Variants in KCNU1 observed in about 807,000 individuals in gnomAD.
KCNU1 encodes the protein potassium calcium-activated channel subfamily U member 1.
KCNU1 carries 93 observed loss-of-function variants against 126.8 expected under a neutral mutation model. The ratio of observed to expected loss-of-function variants is 0.73; its 90% CI spans 0.62 to 0.87. The LOEUF is 0.87. Among genes scored for constraint, KCNU1 ranks in the 40% least tolerant of loss-of-function variants. The pLI, the probability that KCNU1 is intolerant of heterozygous loss-of-function variation, is 0.00. For synonymous variants in KCNU1, 523 were observed against 494.2 expected (o/e 1.06, Z -0.77); for missense variants, 1,330 against 1,367.1 (o/e 0.97, Z 0.43).
chr8:36,934,120 T>G (rs1808784149), intron 26 of KCNU1, among the ~76,000 whole-genome samples: 1 of 151,994 alleles, frequency 6.6e-6, no homozygotes, highest in Non-Finnish European at 1.5e-5. Context: ...GCTGTGTGAT[T>G]TATTGAAATG....
chr8:36,894,542 A>G (rs954882543), intron 19 of KCNU1, among the ~76,000 whole-genome samples: 8 of 152,160 alleles, frequency 5.3e-5, no homozygotes, highest in Non-Finnish European at 1.2e-4. Context: ...AAGCAATATC[A>G]ATATCACTTA....
At chr8:36,878,392 TG>T (rs1332214793) in intron 19 of KCNU1, among the ~76,000 whole-genome samples, 2 of 152,158 alleles carry the variant, frequency 1.3e-5, no homozygotes, top group African/African-American at 4.8e-5. Flanking sequence ...TGAGCTGTGG[TG>T]TAGACCTCAC....
chr8:36,837,025 G>T, intron 14 of KCNU1, 80 bp downstream of exon 14: 1 of 1,409,854 alleles, frequency 7.1e-7, no homozygotes, highest in South Asian at 1.2e-5. Context: ...AAAAAAATTT[G>T]AGAAAAGCAT....
chr8:36,914,124 G>C (rs1808001460), intron 22 of KCNU1, among the ~76,000 whole-genome samples: 1 of 152,032 alleles, frequency 6.6e-6, no homozygotes, highest in East Asian at 1.9e-4. Context: ...GTAGAACCAG[G>C]AATACACACC....
intron 2 of KCNU1, among the ~76,000 whole-genome samples, chr8:36,802,911 G>T (rs1438390603): frequency 6.6e-6 from 1 of 152,166 alleles, no homozygotes; most frequent in African/African-American, 2.4e-5. Flanking sequence ...CACAAGAGGA[G>T]CTAGAGAAAT....
intron 2 of KCNU1, among the ~76,000 whole-genome samples, chr8:36,790,015 AG>A (rs1802848339): frequency 6.6e-6 from 1 of 152,202 alleles, no homozygotes; most frequent in African/African-American, 2.4e-5. Flanking sequence ...TCTAAGGTAA[AG>A]GGATGTCTGA....
chr8:36,905,833 A>G (rs775502256), intron 20 of KCNU1, 29 bp downstream of exon 20: 1 of 1,076,146 alleles, frequency 9.3e-7, no homozygotes, highest in South Asian at 1.4e-5. Context: ...TCAAATCTCA[A>G]ATAAGATAAA....
At position 36,931,029 on chromosome 8, in the gene KCNU1, TTAGATAA is replaced by T; in HGVS notation, c.2816_2822del (p.Leu939TrpfsTer50). 1 of 1,611,468 alleles carries T rather than the reference TTAGATAA, an allele frequency of 6.2e-7. No individual in the cohort carries two copies. Among genetic ancestry groups the T allele is most frequent in the Non-Finnish European group, 8.5e-7 (1 of 1,178,628 alleles). ...AGTAAGTTCTCAGCTGGAACAACATTTAGATAAGGATAAAGTCTATGGTGTGGCAGAT... is the reference window on the plus strand; with the variant it reads ...AGTAAGTTCTCAGCTGGAACAACATTGGATAAAGTCTATGGTGTGGCAGAT... On this transcript the variant is annotated frameshift_variant, in exon 25 of 27. Coordinates refer to ENST00000399881, the MANE Select transcript of KCNU1 (RefSeq NM_001031836.3). LOFTEE classifies it high-confidence loss of function.
chr8:36,888,649 T>G (rs1275487628), intron 19 of KCNU1: 3 of 534,320 alleles, frequency 5.6e-6, no homozygotes, highest in Non-Finnish European at 7.7e-6. Flanking sequence ...CTGAAAGTAC[T>G]GAGGATGAAG....
At chr8:36,841,898 G>T (rs1804970420) in intron 16 of KCNU1, among the ~76,000 whole-genome samples, 1 of 150,798 alleles carries the variant, frequency 6.6e-6, no homozygotes, top group African/African-American at 2.4e-5. Flanking sequence ...CAGAGCAAAT[G>T]AAATATACAT....
chr8:36,817,888 A>T (rs752698221), intron 10 of KCNU1, 128 bp downstream of exon 10: 174 of 544,992 alleles, frequency 3.2e-4, no homozygotes, highest in Non-Finnish European at 4.7e-4. Flanking sequence ...AACAAAACAA[A>T]AAAGAAAAGA....
chr8:36,852,085 A>G (rs904263990), intron 18 of KCNU1, among the ~76,000 whole-genome samples: 1 of 152,034 alleles, frequency 6.6e-6, no homozygotes, highest in African/African-American at 2.4e-5. Flanking sequence ...TTTCTCATGA[A>G]TGGCTTTGAT....
At chr8:36,788,608 C>T (rs1802795216) in intron 2 of KCNU1, among the ~76,000 whole-genome samples, 1 of 152,128 alleles carries the variant, frequency 6.6e-6, no homozygotes, top group Admixed American at 6.5e-5. Flanking sequence ...ATTACTAAAG[C>T]TTGGTTGGAA....
intron 19 of KCNU1, among the ~76,000 whole-genome samples, chr8:36,892,077 T>C (rs1806983709): frequency 1.3e-5 from 2 of 152,134 alleles, no homozygotes. Context: ...TTTCTGAAAC[T>C]CCCATTTTGT....
At chr8:36,888,640 T>C (rs1301141077) in intron 19 of KCNU1, 2 of 534,272 alleles carry the variant, frequency 3.7e-6, no homozygotes, top group Non-Finnish European at 7.7e-6. Context: ...ATTCCTCCTC[T>C]GAAAGTACTG....
chr8:36,811,992 A>T (rs747252941), intron 7 of KCNU1, among the ~76,000 whole-genome samples: 1 of 151,978 alleles, frequency 6.6e-6, no homozygotes, highest in Non-Finnish European at 1.5e-5. Flanking sequence ...TGAATCCGAG[A>T]GGCAGAGGTT....
intron 19 of KCNU1, among the ~76,000 whole-genome samples, chr8:36,886,613 C>T (rs2117421968): frequency 6.6e-6 from 1 of 152,248 alleles, no homozygotes; most frequent in African/African-American, 2.4e-5. Context: ...ATGCATGCAA[C>T]ATAAGACCCA....
At chr8:36,843,397 T>C (rs945333983) in intron 16 of KCNU1, among the ~76,000 whole-genome samples, 2 of 152,250 alleles carry the variant, frequency 1.3e-5, no homozygotes, top group Admixed American at 6.5e-5. Context: ...CTATGATTGA[T>C]ACTTTGTGAC....
chr8:36,894,633 T>C (rs1037270474), intron 19 of KCNU1, among the ~76,000 whole-genome samples: 4 of 152,110 alleles, frequency 2.6e-5, no homozygotes, highest in Admixed American at 2.0e-4. Context: ...TTAGTTATTA[T>C]TTATTCAAGG....
Sources: allele counts gnomAD v4.1 joint callset (sites outside exome capture counted in the v4.1 genomes callset), GRCh38; gene constraint gnomAD v4.1.1; transcripts MANE v1.5; gene names NCBI Gene and HGNC (gene_info 2026-07-23, HGNC 2026-07-21).